The following KTN1 variants were observed in gnomAD, a reference collection of about 807,000 sequenced individuals.
KTN1 encodes kinectin 1, also known as kinectin.
In KTN1, 130 loss-of-function variants were observed where a neutral mutation model predicts 222.5. The ratio of observed to expected loss-of-function variants is 0.58; its 90% CI spans 0.51 to 0.68. The LOEUF (loss-of-function observed/expected upper bound fraction) is 0.68. KTN1 is among the 30% of genes least tolerant of loss of function. The pLI, the probability that KTN1 is intolerant of heterozygous loss-of-function variation, is 0.00. For missense variants in KTN1, 1,508 were observed against 1,500.4 expected (o/e 1.01, Z -0.08); for synonymous variants, 512 against 496.3 (o/e 1.03, Z -0.42).
At chr14:55,582,213 G>T (rs1418849106) in intron 1 of KTN1, among the ~76,000 whole-genome samples, 1 of 152,074 alleles carries the variant, frequency 6.6e-6, no homozygotes, top group East Asian at 1.9e-4. Flanking sequence ...AGACATTTAC[G>T]ATTTTGTTTC....
intron 2 of KTN1, 42 bp downstream of exon 2, chr14:55,612,613 T>A: frequency 6.8e-7 from 1 of 1,479,486 alleles, no homozygotes; most frequent in East Asian, 2.3e-5. Flanking sequence ...ATTGTATGAT[T>A]TGGAGCTTGG....
intron 27 of KTN1, 68 bp downstream of exon 27, chr14:55,653,153 A>C: frequency 9.6e-7 from 1 of 1,039,622 alleles, no homozygotes; most frequent in Non-Finnish European, 1.5e-6. Context: ...GGCATTAGAA[A>C]GTAAAGATGT....
At chr14:55,630,519 T>A (rs1335067736) in intron 7 of KTN1, among the ~76,000 whole-genome samples, 1 of 152,174 alleles carries the variant, frequency 6.6e-6, no homozygotes, top group East Asian at 1.9e-4. Flanking sequence ...GTGGGTATAT[T>A]TTGGGACCCA....
intron 1 of KTN1, among the ~76,000 whole-genome samples, chr14:55,611,111 G>A (rs1288686285): frequency 6.6e-6 from 1 of 152,112 alleles, no homozygotes; most frequent in Non-Finnish European, 1.5e-5. Flanking sequence ...TTTTGAGACA[G>A]AGACTTGCTC....
At chr14:55,646,167 A>G (rs992629535) in intron 18 of KTN1, among the ~76,000 whole-genome samples, 1 of 152,148 alleles carries the variant, frequency 6.6e-6, no homozygotes, top group Non-Finnish European at 1.5e-5. Flanking sequence ...AAGGGGACTC[A>G]TCTTACATGT....
At chr14:55,637,120 A>G in intron 10 of KTN1, 78 bp from the exon 11 acceptor site, 1 of 1,032,220 alleles carries the variant, frequency 9.7e-7, no homozygotes, top group Non-Finnish European at 1.4e-6. Flanking sequence ...TCTAGAGGAG[A>G]GAATGCCTAC....
chr14:55,671,249 G>T, intron 35 of KTN1: 1 of 302,312 alleles, frequency 3.3e-6, no homozygotes, highest in Non-Finnish European at 6.0e-6. Flanking sequence ...TATCTCAAGT[G>T]GCATGAATAA....
chr14:55,639,530 A>C (rs1420322119), intron 13 of KTN1, among the ~76,000 whole-genome samples: 3 of 151,720 alleles, frequency 2.0e-5, no homozygotes, highest in African/African-American at 7.2e-5. Flanking sequence ...GAAGTAAATT[A>C]GTTTTTGTGT....
At chr14:55,655,210 C>T (rs1182789537) in intron 28 of KTN1, among the ~76,000 whole-genome samples, 1 of 152,116 alleles carries the variant, frequency 6.6e-6, no homozygotes, top group African/African-American at 2.4e-5. Flanking sequence ...ATCTCCTGGG[C>T]TTGAGTGATC....
rs370256596 is a variant in KTN1, at chr14:55,637,377, C to CTT, written c.1716+25_1716+26dup. ...AATGCAGGTTCAGGTATTTTTTCTT[C>CTT]TTTTTTTTTTTTTAAAAAAATACAG... is the stretch of plus-strand genomic sequence containing the variant. On this transcript the variant is annotated intron_variant, in intron 11 of 43. Coordinates refer to ENST00000395314, the MANE Select transcript of KTN1 (RefSeq NM_001079521.2). 4.1e-4 allele frequency: 490 copies of CTT among 1,202,620 alleles called. No individual in the cohort carries two copies. The highest frequency in any genetic ancestry group is 6.9e-4 in the Middle Eastern group (3 of 4,320). The allele number at this position is 1,202,620 out of a possible 1,614,324, so 74.5% of individuals were successfully genotyped here. A position where few individuals can be genotyped will look rare whatever the true frequency, so the allele number is the denominator to read the frequency against.
chr14:55,639,245 T>C, intron 13 of KTN1, 23 bp downstream of exon 13: 1 of 1,567,256 alleles, frequency 6.4e-7, no homozygotes, highest in Non-Finnish European at 8.8e-7. Flanking sequence ...TTTCACACTC[T>C]TATAATTGTG....
chr14:55,610,039 T>A (rs2037313270), intron 1 of KTN1, among the ~76,000 whole-genome samples: 4 of 152,372 alleles, frequency 2.6e-5, no homozygotes, highest in Admixed American at 2.6e-4. Flanking sequence ...TAGTATTTTG[T>A]TAGCACATGA....
intron 1 of KTN1, among the ~76,000 whole-genome samples, chr14:55,596,760 T>C (rs565860664): frequency 1.3e-5 from 2 of 152,290 alleles, no homozygotes; most frequent in South Asian, 4.1e-4. Flanking sequence ...ATTTTTTGCT[T>C]AGGTTTCCTA....
At chr14:55,633,095 T>A (rs2040716908) in intron 7 of KTN1, 140 bp from the exon 8 acceptor site, 1 of 461,512 alleles carries the variant, frequency 2.2e-6, no homozygotes, top group African/African-American at 2.0e-5. Flanking sequence ...CTTTTAAATT[T>A]GTTTATATTT....
At chr14:55,591,418 ATTGTT>A (rs1334734923) in intron 1 of KTN1, among the ~76,000 whole-genome samples, 4 of 152,046 alleles carry the variant, frequency 2.6e-5, no homozygotes, top group Non-Finnish European at 5.9e-5. Flanking sequence ...GTTAGTGTAA[ATTGTT>A]TTCTTTCCAA....
chr14:55,680,725 T>A (rs780810794), intron 43 of KTN1: 1 of 1,365,036 alleles, frequency 7.3e-7, no homozygotes, highest in South Asian at 1.1e-5. Context: ...ATGCTCTCCT[T>A]CAAAATGCTA....
At chr14:55,681,951 C>T (rs150991033) in intron 43 of KTN1, 48 of 152,114 alleles carry the variant, frequency 3.2e-4, no homozygotes, top group Non-Finnish European at 2.8e-4. Flanking sequence ...TAAACTGACA[C>T]GAGATGATTA....
In KTN1 at chr14:55,653,491, A is replaced by G. The variant is rs560394308; in HGVS notation, c.2764-68A>G. 8.6e-6 allele frequency: 10 copies of G among 1,166,544 alleles called. No homozygotes were observed. The South Asian group carries it at 9.6e-5, about 11-fold the overall frequency. 72.3% of individuals were successfully genotyped at this position (1,166,544 alleles called of 1,614,324 possible). ...TTTTTATTGGTGGGTGATTCCATAT[A>G]TATGTTTTAGCACCTACAACATAAC... On this transcript the variant is annotated intron_variant, in intron 27 of 43. Coordinates refer to ENST00000395314, the MANE Select transcript of KTN1 (RefSeq NM_001079521.2).
chr14:55,596,660 T>C (rs973826838), intron 1 of KTN1, among the ~76,000 whole-genome samples: 1 of 152,250 alleles, frequency 6.6e-6, no homozygotes, highest in Non-Finnish European at 1.5e-5. Context: ...TTGACATACT[T>C]AAACCAACTT....
Sources: allele counts gnomAD v4.1 joint callset (sites outside exome capture counted in the v4.1 genomes callset), GRCh38; gene constraint gnomAD v4.1.1; transcripts MANE v1.5; gene names NCBI Gene and HGNC (gene_info 2026-07-23, HGNC 2026-07-21).